The following DOCK9 variants were observed in gnomAD, a reference collection of about 807,000 sequenced individuals.
DOCK9 encodes dedicator of cytokinesis protein 9.
Under a neutral mutation model 263.3 loss-of-function variants are expected in DOCK9, and 89 were observed. The ratio of observed to expected loss-of-function variants is 0.34; its 90% CI spans 0.28 to 0.40. The LOEUF is 0.40. Ranked by LOEUF, DOCK9 falls within the 10% of genes least tolerant of loss-of-function variation. The pLI is 1.00. For missense variants in DOCK9, 2,140 were observed against 2,603.4 expected (o/e 0.82, Z 3.87); for synonymous variants, 976 against 973.1 (o/e 1.00, Z -0.06).
intron 11 of DOCK9, 61 bp from the exon 12 acceptor site, chr13:98,902,552 C>T: frequency 2.0e-6 from 3 of 1,511,156 alleles, no homozygotes; most frequent in Admixed American, 1.9e-5. Flanking sequence ...AAGAATGTTG[C>T]TATCAAAAGA....
In DOCK9 at chr13:99,082,567, A is replaced by ATAAAT. The variant is rs879747217; in HGVS notation, c.129+3655_129+3656insATTTA. ...AATAAATAAATAAATAAATAAATAAAAAAAAACAGCTTCAAATAGAAGCCC... is the reference window on the plus strand; with the variant it reads ...AATAAATAAATAAATAAATAAATAAATAAATAAAAAACAGCTTCAAATAGAAGCCC... On this transcript the variant is annotated intron_variant, in intron 1 of 32. Transcript: ENST00000427887. 4.5e-3 allele frequency among the ~76,000 whole-genome samples: 144 copies of ATAAAT among 32,020 alleles called. 4 individuals are homozygous for ATAAAT. The Admixed American group carries it at 0.05, about 11-fold the overall frequency. 21.0% of individuals were successfully genotyped at this position (32,020 alleles called of 152,430 possible).
At chr13:99,047,815 G>A (rs923431069) in intron 1 of DOCK9, among the ~76,000 whole-genome samples, 2 of 152,120 alleles carry the variant, frequency 1.3e-5, no homozygotes, top group South Asian at 2.1e-4. Flanking sequence ...GAGCTACTGC[G>A]CCTGGCCCTA....
chr13:98,846,730 A>C (rs1328169827), intron 37 of DOCK9: 2 of 394,900 alleles, frequency 5.1e-6, no homozygotes, highest in East Asian at 1.4e-4. Flanking sequence ...TGTGTGTAGG[A>C]GAACAGGGAC....
intron 9 of DOCK9, among the ~76,000 whole-genome samples, chr13:98,913,498 T>C (rs1248317147): frequency 2.6e-5 from 4 of 152,314 alleles, no homozygotes; most frequent in African/African-American, 9.6e-5. Flanking sequence ...AATTTAAAAA[T>C]TTTTTAAAGT....
At chr13:99,086,785 C>A (rs565478815), upstream of DOCK9, among the ~76,000 whole-genome samples, 339 of 149,194 alleles carry the variant, frequency 2.3e-3, 1 homozygote, top group African/African-American at 7.6e-3. Flanking sequence ...CGGCGCGGCC[C>A]GGCGCTGGAG....
chr13:98,800,343 G>A lies in DOCK9; in HGVS notation c.5861C>T (p.Ala1954Val). The A allele has an allele frequency of 6.2e-7, 1 of 1,612,694 alleles. No homozygotes were observed. Among genetic ancestry groups the A allele is most frequent in the Non-Finnish European group, 8.5e-7 (1 of 1,179,364 alleles). Residue 1954 changes from alanine to valine, a missense_variant, in exon 50 of 53, where the codon GCC (alanine) becomes GTC (valine). Transcript: ENST00000682017. ...CTGCAGTTTGATCATGTCCACCTCG[G>A]CCGAGGAGCACAGCTGCCGGAGCTC... ...VAELRQLCSSAEVDMIKLQLK... is the reference protein window; with the variant it reads ...VAELRQLCSSVEVDMIKLQLK...
chr13:98,900,912 C>T (rs762317906), intron 13 of DOCK9, among the ~76,000 whole-genome samples: 3 of 152,236 alleles, frequency 2.0e-5, no homozygotes, highest in Non-Finnish European at 4.4e-5. Context: ...ACTTCACTCA[C>T]AGCCTCTGGG....
chr13:98,972,588 G>T (rs74617106), intron 1 of DOCK9, among the ~76,000 whole-genome samples: 8 of 152,088 alleles, frequency 5.3e-5, no homozygotes, highest in Non-Finnish European at 1.0e-4. Flanking sequence ...TCCTTCCACC[G>T]ACCGCTCCAC....
At chr13:98,797,703 T>A (rs2089602904) in intron 50 of DOCK9, among the ~76,000 whole-genome samples, 1 of 152,208 alleles carries the variant, frequency 6.6e-6, no homozygotes, top group Non-Finnish European at 1.5e-5. Context: ...GCACTTGTGA[T>A]GATGGTTTAC....
intron 1 of DOCK9, among the ~76,000 whole-genome samples, chr13:98,957,001 T>G (rs2058131483): frequency 6.6e-6 from 1 of 152,184 alleles, no homozygotes; most frequent in Admixed American, 6.5e-5. Context: ...CCCAGCCTCC[T>G]TGTGTTTTGG....
intron 39 of DOCK9, among the ~76,000 whole-genome samples, chr13:98,835,094 G>A (rs1456268183): frequency 6.6e-6 from 1 of 152,218 alleles, no homozygotes; most frequent in African/African-American, 2.4e-5. Flanking sequence ...TACATAGCAG[G>A]AAGCTCATGT....
intron 45 of DOCK9, among the ~76,000 whole-genome samples, chr13:98,813,251 G>A (rs1566569638): frequency 6.6e-6 from 1 of 152,194 alleles, no homozygotes. Flanking sequence ...CCTCCAGCAT[G>A]ATATTGAATA....
chr13:98,880,292 C>A (rs948061994), intron 26 of DOCK9, among the ~76,000 whole-genome samples: 1 of 152,014 alleles, frequency 6.6e-6, no homozygotes, highest in Non-Finnish European at 1.5e-5. Context: ...TCTTTAGAAT[C>A]TCTAAGTCAT....
intron 20 of DOCK9, 177 bp from the exon 21 acceptor site, chr13:98,885,269 C>A (rs2045504533): frequency 1.1e-6 from 1 of 875,412 alleles, no homozygotes; most frequent in Non-Finnish European, 1.7e-6. Context: ...TGTACTTAGG[C>A]CTTTTCGGGG....
In DOCK9 at chr13:98,805,100, G is replaced by A; in HGVS notation, c.5624C>T (p.Ser1875Phe). The A allele has an allele frequency of 1.2e-6, 2 of 1,611,586 alleles. No individual in the cohort carries two copies. The highest frequency in any genetic ancestry group is 1.7e-6 in the Non-Finnish European group (2 of 1,178,838). Residue 1875 changes from serine (S) to phenylalanine (F), a missense_variant, in exon 49 of 53, where the codon TCC becomes TTC. Coordinates refer to ENST00000682017, the MANE Select transcript of DOCK9 (RefSeq NM_001366683.2). ...LQERKTEFER[S>F]HNIRRFMFEM... Reference sequence around the variant, plus strand: ...AAACATGAAGCGGCGGATGTTGTGGGATCTCTCAAACTCTGTTTTCCTTTC... The same window carrying A: ...AAACATGAAGCGGCGGATGTTGTGGAATCTCTCAAACTCTGTTTTCCTTTC...
At chr13:99,001,889 G>T (rs999436411) in intron 1 of DOCK9, among the ~76,000 whole-genome samples, 4 of 152,086 alleles carry the variant, frequency 2.6e-5, no homozygotes, top group African/African-American at 9.7e-5. Flanking sequence ...AGAATGTTAG[G>T]GCCCTATGAA....
At chr13:98,866,263 G>A (rs1424315875) in intron 30 of DOCK9, among the ~76,000 whole-genome samples, 2 of 152,126 alleles carry the variant, frequency 1.3e-5, no homozygotes, top group Non-Finnish European at 2.9e-5. Flanking sequence ...AATAGCCGGG[G>A]ATTGTCATCC....
chr13:98,850,720 G>T (rs551901510), intron 35 of DOCK9, among the ~76,000 whole-genome samples: 1 of 152,230 alleles, frequency 6.6e-6, no homozygotes, highest in Non-Finnish European at 1.5e-5. Flanking sequence ...CCTTTTATGT[G>T]GGTCTTTGCA....
In DOCK9 at chr13:98,799,830, T is replaced by C. The variant is rs577789000; in HGVS notation, c.5916+458A>G. 1.4e-3 allele frequency among the ~76,000 whole-genome samples: 219 copies of C among 152,072 alleles called. 10 individuals are homozygous for C. The South Asian group carries it at 0.043, about 30-fold the overall frequency. ...TAAAAATGCTACCAATAAAGAAAAA[T>C]TGATTGATTGGGCTATATTAAAATA... On this transcript the variant is annotated intron_variant, in intron 50 of 52. Coordinates refer to ENST00000682017, the MANE Select transcript of DOCK9 (RefSeq NM_001366683.2).
Sources: allele counts gnomAD v4.1 joint callset (sites outside exome capture counted in the v4.1 genomes callset), GRCh38; gene constraint gnomAD v4.1.1; transcripts MANE v1.5; gene names NCBI Gene and HGNC (gene_info 2026-07-23, HGNC 2026-07-21).